KIF2A: variants seen among roughly 807,000 people sequenced by gnomAD.
The protein encoded by KIF2A is kinesin-like protein KIF2A.
KIF2A carries 22 observed loss-of-function variants against 100.2 expected under a neutral mutation model. That is an observed-to-expected ratio of 0.22 (90% CI 0.16 to 0.31). The LOEUF (loss-of-function observed/expected upper bound fraction) is 0.31, where lower values mean the gene tolerates loss of function less well. KIF2A is among the 10% of genes least tolerant of loss of function. The pLI, the probability that KIF2A is intolerant of heterozygous loss-of-function variation, is 1.00. For missense variants in KIF2A, 495 were observed against 898.7 expected, an observed-to-expected ratio of 0.55 and a Z score of 5.74; for synonymous variants, 268 against 285.9, an observed-to-expected ratio of 0.94 and a Z score of 0.63.
At position 62,386,809 on chromosome 5, in the gene KIF2A, T is replaced by C. The variant is rs1411805579; in HGVS notation, c.*1240T>C. ...GCTACTTTTTAAACAGCAGCACTTATTTTTACAGATTGCTACTCCAAGGAA... is the reference window on the plus strand; with the variant it reads ...GCTACTTTTTAAACAGCAGCACTTACTTTTACAGATTGCTACTCCAAGGAA... On this transcript the variant is annotated 3_prime_UTR_variant, in exon 21 of 21. Transcript: ENST00000407818. Among the ~76,000 whole-genome samples, 2 of 152,252 alleles carry C rather than the reference T, an allele frequency of 1.3e-5. No individual in the cohort carries two copies. The highest frequency in any genetic ancestry group is 1.9e-4 in the East Asian group (1 of 5,202).
chr5:62,352,562 T>G (rs1747906238), intron 4 of KIF2A, 26 bp from the exon 5 acceptor site: 1 of 1,503,714 alleles, frequency 6.7e-7, no homozygotes, highest in African/African-American at 1.4e-5. Context: ...TATCCTGAAT[T>G]TAAAATTTTT....
intron 15 of KIF2A, among the ~76,000 whole-genome samples, chr5:62,365,598 C>T (rs904558962): frequency 2.6e-5 from 4 of 151,416 alleles, no homozygotes; most frequent in Non-Finnish European, 4.4e-5. Context: ...TTTTCTTTTT[C>T]TCTTTCTCTT....
chr5:62,372,837 G>A (rs1043102349), intron 17 of KIF2A, among the ~76,000 whole-genome samples: 5 of 151,898 alleles, frequency 3.3e-5, no homozygotes, highest in African/African-American at 9.7e-5. Flanking sequence ...ACTTACCATC[G>A]AATTGTTAAA....
chr5:62,336,382 G>T (rs990714949), intron 1 of KIF2A, among the ~76,000 whole-genome samples: 1 of 152,144 alleles, frequency 6.6e-6, no homozygotes, highest in African/African-American at 2.4e-5. Flanking sequence ...GTACAGTTAT[G>T]GTAGAAATAC....
intron 1 of KIF2A, among the ~76,000 whole-genome samples, chr5:62,333,986 C>G (rs1480492434): frequency 6.6e-6 from 1 of 152,146 alleles, no homozygotes; most frequent in Non-Finnish European, 1.5e-5. Context: ...CCATGGGATA[C>G]TTAGAAGCTG....
intron 19 of KIF2A, among the ~76,000 whole-genome samples, chr5:62,379,006 A>G (rs1020659210): frequency 6.6e-6 from 1 of 151,276 alleles, no homozygotes; most frequent in African/African-American, 2.4e-5. Flanking sequence ...AATTTAAGAA[A>G]ATTACACACC....
chr5:62,350,041 TAATG>T, intron 3 of KIF2A, 21 bp from the exon 4 acceptor site: 1 of 1,523,154 alleles, frequency 6.6e-7, no homozygotes. Context: ...ATAGAAAACA[TAATG>T]AACATTTTTT....
intron 1 of KIF2A, among the ~76,000 whole-genome samples, chr5:62,308,080 C>T (rs1050264826): frequency 1.3e-5 from 2 of 152,112 alleles, no homozygotes; most frequent in Admixed American, 6.6e-5. Context: ...TTGGAAGACC[C>T]TATATAGCTA....
At chr5:62,324,467 A>G (rs1746262641) in intron 1 of KIF2A, among the ~76,000 whole-genome samples, 1 of 152,206 alleles carries the variant, frequency 6.6e-6, no homozygotes, top group African/African-American at 2.4e-5. Flanking sequence ...CTGTACTGCA[A>G]AGCTGCAGTA....
intron 7 of KIF2A, among the ~76,000 whole-genome samples, chr5:62,355,727 GA>G (rs1193737017): frequency 6.6e-6 from 1 of 151,762 alleles, no homozygotes; most frequent in East Asian, 1.9e-4. Flanking sequence ...TCTAGAACTG[GA>G]AAAAATCCTC....
intron 1 of KIF2A, among the ~76,000 whole-genome samples, chr5:62,322,743 G>A (rs995832318): frequency 6.6e-6 from 1 of 151,732 alleles, no homozygotes; most frequent in African/African-American, 2.4e-5. Context: ...TGCATATATG[G>A]TATAATGTAT....
chr5:62,357,488 T>A (rs1580070284), intron 7 of KIF2A, among the ~76,000 whole-genome samples: 1 of 152,176 alleles, frequency 6.6e-6, no homozygotes, highest in African/African-American at 2.4e-5. Context: ...AATAAGCAAG[T>A]TTCCATTACA....
At chr5:62,384,742 T>C (rs570484278) in intron 20 of KIF2A, among the ~76,000 whole-genome samples, 6 of 152,294 alleles carry the variant, frequency 3.9e-5, no homozygotes, top group Non-Finnish European at 7.3e-5. Flanking sequence ...TCAAGAAATA[T>C]ATCATTTAGT....
At position 62,306,387 on chromosome 5, in the gene KIF2A, C is replaced by A; in HGVS notation, c.-86C>A. The A allele has an allele frequency of 2.0e-6, 2 of 979,378 alleles. No individual in the cohort carries two copies. Among genetic ancestry groups the A allele is most frequent in the Non-Finnish European group, 1.5e-6 (1 of 645,986 alleles). The allele number at this position is 979,378 out of a possible 1,614,324, so 60.7% of individuals were successfully genotyped here. ...GCGCGGCCGCGGGCAACCGCTCCCC[C>A]TCCCACACCTACCCCGCCCCCTCCC... On this transcript the variant is annotated 5_prime_UTR_variant, in exon 1 of 21. Coordinates refer to ENST00000407818, the MANE Select transcript of KIF2A (RefSeq NM_001098511.3).
chr5:62,369,662 T>C (rs748831160), intron 16 of KIF2A, among the ~76,000 whole-genome samples: 3 of 140,212 alleles, frequency 2.1e-5, no homozygotes, highest in Non-Finnish European at 3.0e-5. Flanking sequence ...TTTTGTGACC[T>C]TAAGAGTCAG....
intron 1 of KIF2A, among the ~76,000 whole-genome samples, chr5:62,342,977 C>A (rs893366668): frequency 2.0e-5 from 3 of 152,090 alleles, no homozygotes; most frequent in Non-Finnish European, 4.4e-5. Flanking sequence ...GTCTTGAACC[C>A]CTGACCTCAA....
intron 9 of KIF2A, among the ~76,000 whole-genome samples, 191 bp from the exon 10 acceptor site, chr5:62,361,051 A>G (rs935825404): frequency 1.3e-5 from 2 of 152,192 alleles, no homozygotes; most frequent in African/African-American, 4.8e-5. Context: ...AGTTTAAGTA[A>G]TTTTAGCATA....
At chr5:62,321,266 T>C (rs1312103558) in intron 1 of KIF2A, among the ~76,000 whole-genome samples, 1 of 152,198 alleles carries the variant, frequency 6.6e-6, no homozygotes, top group African/African-American at 2.4e-5. Flanking sequence ...GTTTTCAGTT[T>C]TTGTGGGTTA....
Position 62,387,938 on chromosome 5 carries a change from A to T in KIF2A, c.*2369A>T, listed in dbSNP as rs895997005. 7.9e-5 allele frequency: 12 copies of T among 151,968 alleles called. No homozygotes were observed. The highest frequency in any genetic ancestry group is 1.6e-4 in the Non-Finnish European group (11 of 67,984). 9.4% of individuals were successfully genotyped at this position (151,968 alleles called of 1,614,324 possible). A position where few individuals can be genotyped will look rare whatever the true frequency, so the allele number is the denominator to read the frequency against. On this transcript the variant is annotated 3_prime_UTR_variant, in exon 21 of 21. Coordinates refer to ENST00000407818, the MANE Select transcript of KIF2A (RefSeq NM_001098511.3). ...ACACTCTTCTATTAAGTTAGGTATTAAAAAAAGCCAAATATCAATAAAGAT... is the reference window on the plus strand; with the variant it reads ...ACACTCTTCTATTAAGTTAGGTATTTAAAAAAGCCAAATATCAATAAAGAT...
Sources: gnomAD v4.1 joint callset for allele counts (sites outside exome capture counted in the v4.1 genomes callset) on GRCh38, gnomAD v4.1.1 for gene constraint, MANE v1.5 for transcripts, NCBI Gene and HGNC (gene_info 2026-07-23, HGNC 2026-07-21) for gene names.